CSGALNACT1: variants seen among roughly 807,000 people sequenced by gnomAD.
CSGALNACT1 encodes chondroitin sulfate N-acetylgalactosaminyltransferase 1.
In CSGALNACT1, 52 loss-of-function variants were observed where a neutral mutation model predicts 51.0. The ratio of observed to expected loss-of-function variants is 1.02; its 90% CI spans 0.82 to 1.29. The LOEUF (loss-of-function observed/expected upper bound fraction) is 1.29. Ranked by LOEUF, CSGALNACT1 falls within the 50% of genes most tolerant of loss-of-function variation. The pLI is 0.00. For synonymous variants in CSGALNACT1, 341 were observed against 254.4 expected, an observed-to-expected ratio of 1.34 and a Z score of -3.24; for missense variants, 935 against 679.2, an observed-to-expected ratio of 1.38 and a Z score of -4.19.
intron 2 of CSGALNACT1, among the ~76,000 whole-genome samples, chr8:19,594,255 C>A (rs903102326): frequency 1.3e-5 from 2 of 152,170 alleles, no homozygotes; most frequent in Admixed American, 6.5e-5. Context: ...TATGAAAAAA[C>A]TACCAGAGTT....
At chr8:19,577,420 G>C (rs2044507988) in intron 3 of CSGALNACT1, among the ~76,000 whole-genome samples, 1 of 140,536 alleles carries the variant, frequency 7.1e-6, no homozygotes, top group Admixed American at 6.8e-5. Flanking sequence ...AAAAAGCCTA[G>C]TATGGTGGCG....
intron 1 of CSGALNACT1, among the ~76,000 whole-genome samples, chr8:19,735,651 T>TA (rs1187964748): frequency 1.3e-5 from 2 of 152,110 alleles, no homozygotes; most frequent in African/African-American, 4.8e-5. Context: ...CAGATAGACT[T>TA]AAAAAAATAA....
intron 1 of CSGALNACT1, among the ~76,000 whole-genome samples, chr8:19,648,609 A>C (rs1395575900): frequency 6.6e-6 from 1 of 152,170 alleles, no homozygotes; most frequent in Non-Finnish European, 1.5e-5. Context: ...GGAGTTCCAG[A>C]CTAGCCTGGG....
intron 3 of CSGALNACT1, among the ~76,000 whole-genome samples, chr8:19,515,377 G>C (rs74840772): frequency 1.1e-4 from 17 of 152,172 alleles, no homozygotes; most frequent in Non-Finnish European, 5.9e-5. Context: ...AGACTCAGAG[G>C]GCGTGTTCTC....
intron 4 of CSGALNACT1, among the ~76,000 whole-genome samples, chr8:19,498,363 T>TA (rs1381828366): frequency 6.6e-6 from 1 of 152,152 alleles, no homozygotes; most frequent in Non-Finnish European, 1.5e-5. Flanking sequence ...GGAGGCTGAT[T>TA]AAAAAACTTC....
intron 1 of CSGALNACT1, among the ~76,000 whole-genome samples, chr8:19,647,007 C>T (rs1324516289): frequency 2.0e-5 from 3 of 152,130 alleles, no homozygotes; most frequent in South Asian, 4.1e-4. Context: ...GAAAGCTACA[C>T]GGCTGAGTGG....
At chr8:19,452,586 C>G (rs1334260391) in intron 5 of CSGALNACT1, among the ~76,000 whole-genome samples, 1 of 152,132 alleles carries the variant, frequency 6.6e-6, no homozygotes, top group Non-Finnish European at 1.5e-5. Context: ...GCGATAGAAA[C>G]AGAGCCAAAA....
chr8:19,454,396 G>A (rs1377997061), intron 5 of CSGALNACT1, among the ~76,000 whole-genome samples: 1 of 152,210 alleles, frequency 6.6e-6, no homozygotes, highest in East Asian at 1.9e-4. Context: ...TTGCAGCCAG[G>A]CACGTGGCTG....
chr8:19,527,404 C>A (rs993359873), intron 3 of CSGALNACT1, among the ~76,000 whole-genome samples: 1 of 152,038 alleles, frequency 6.6e-6, no homozygotes, highest in African/African-American at 2.4e-5. Context: ...AGTTCAAGAC[C>A]AGCCAGGCCA....
At chr8:19,424,474 A>G (rs1563324860) in intron 6 of CSGALNACT1, among the ~76,000 whole-genome samples, 1 of 152,144 alleles carries the variant, frequency 6.6e-6, no homozygotes, top group Non-Finnish European at 1.5e-5. Flanking sequence ...CTCTGCCAAA[A>G]AAGAGGACTG....
chr8:19,457,415 C>G, intron 5 of CSGALNACT1: 1 of 358,448 alleles, frequency 2.8e-6, no homozygotes, highest in Non-Finnish European at 5.5e-6. Flanking sequence ...GAGTTCAAGA[C>G]TAGCCCGGCC....
intron 1 of CSGALNACT1, among the ~76,000 whole-genome samples, chr8:19,609,939 G>A (rs1164961205): frequency 1.3e-5 from 2 of 152,082 alleles, no homozygotes; most frequent in Non-Finnish European, 2.9e-5. Context: ...ACATGGAAGA[G>A]GCCGGGCACG....
At chr8:19,543,254 T>G (rs1028931547) in intron 3 of CSGALNACT1, among the ~76,000 whole-genome samples, 2 of 152,198 alleles carry the variant, frequency 1.3e-5, no homozygotes, top group Non-Finnish European at 2.9e-5. Flanking sequence ...CCCCATCCTA[T>G]ACTTCAGGTT....
chr8:19,583,213 A>C (rs2045950560), intron 3 of CSGALNACT1, among the ~76,000 whole-genome samples: 1 of 152,226 alleles, frequency 6.6e-6, no homozygotes, highest in Non-Finnish European at 1.5e-5. Context: ...ATCATGTAGA[A>C]GACAAAAAGT....
At chr8:19,671,005 C>A (rs942528555) in intron 1 of CSGALNACT1, among the ~76,000 whole-genome samples, 1 of 151,968 alleles carries the variant, frequency 6.6e-6, no homozygotes, top group African/African-American at 2.4e-5. Context: ...TGACATTAGA[C>A]GAAAACAAAA....
At chr8:19,420,827 GT>G (rs1373190485) in intron 6 of CSGALNACT1, among the ~76,000 whole-genome samples, 1 of 152,120 alleles carries the variant, frequency 6.6e-6, no homozygotes, top group African/African-American at 2.4e-5. Flanking sequence ...CTTGAACCAG[GT>G]AAGACTAGAA....
chr8:19,511,623 G>A (rs9644628), intron 3 of CSGALNACT1, among the ~76,000 whole-genome samples: 85,069 of 151,972 alleles, frequency 0.56, 24,954 homozygotes, highest in East Asian at 0.83. Context: ...TTCCAAGATG[G>A]CCCTCAATGG....
At chr8:19,734,688 G>C (rs968400118) in intron 1 of CSGALNACT1, among the ~76,000 whole-genome samples, 5 of 152,148 alleles carry the variant, frequency 3.3e-5, no homozygotes, top group South Asian at 2.1e-4. Flanking sequence ...TGTCTGAGAG[G>C]TCACAGAAAA....
intron 1 of CSGALNACT1, among the ~76,000 whole-genome samples, chr8:19,714,661 T>A (rs919266878): frequency 2.0e-5 from 3 of 152,182 alleles, no homozygotes; most frequent in African/African-American, 7.2e-5. Flanking sequence ...CTTTAGCTTA[T>A]TAATCATAGT....
Sources: allele counts gnomAD v4.1 joint callset (sites outside exome capture counted in the v4.1 genomes callset), GRCh38; gene constraint gnomAD v4.1.1; transcripts MANE v1.5; gene names NCBI Gene and HGNC (gene_info 2026-07-23, HGNC 2026-07-21).